AGMO: variants seen among roughly 807,000 people sequenced by gnomAD.
AGMO encodes the protein glyceryl-ether monooxygenase.
A neutral mutation model predicts 60.2 loss-of-function variants in AGMO; 75 were observed. That is an observed-to-expected ratio of 1.25 (90% CI 1.03 to 1.51). AGMO has a LOEUF of 1.51. Among genes scored for constraint, AGMO ranks in the 40% most tolerant of loss-of-function variants. The pLI, the probability that AGMO is intolerant of heterozygous loss-of-function variation, is 0.00. For missense variants in AGMO, 763 were observed against 525.5 expected, an observed-to-expected ratio of 1.45 and a Z score of -4.42; for synonymous variants, 261 against 177.1, an observed-to-expected ratio of 1.47 and a Z score of -3.76.
At chr7:15,561,283 A>G (rs1324740988) in intron 1 of AGMO, among the ~76,000 whole-genome samples, 2 of 152,214 alleles carry the variant, frequency 1.3e-5, no homozygotes, top group East Asian at 3.8e-4. Context: ...GACCTGGTCA[A>G]GCTGCATATC....
At chr7:15,297,053 G>GTC (rs926120957) in intron 12 of AGMO, among the ~76,000 whole-genome samples, 23 of 145,062 alleles carry the variant, frequency 1.6e-4, no homozygotes, top group East Asian at 6.0e-4. Context: ...ATCTCTCTCT[G>GTC]TCTCTCTCTC....
At chr7:15,442,246 C>G (rs529970682) in intron 3 of AGMO, among the ~76,000 whole-genome samples, 141 of 152,270 alleles carry the variant, frequency 9.3e-4, no homozygotes, top group African/African-American at 3.1e-3. Context: ...TTTAGAAACT[C>G]TATTATTACC....
chr7:15,390,064 G>A (rs1470915898), intron 8 of AGMO, among the ~76,000 whole-genome samples: 1 of 152,060 alleles, frequency 6.6e-6, no homozygotes, highest in Admixed American at 6.6e-5. Flanking sequence ...AACCCCAGGA[G>A]TATTTGTGGT....
At chr7:15,524,796 A>G (rs1277272949) in intron 3 of AGMO, among the ~76,000 whole-genome samples, 1 of 151,746 alleles carries the variant, frequency 6.6e-6, no homozygotes, top group Non-Finnish European at 1.5e-5. Context: ...CAGGAGGCCA[A>G]CGTTGCAGTG....
chr7:15,392,095 A>T (rs566693176), intron 6 of AGMO, among the ~76,000 whole-genome samples: 15 of 151,598 alleles, frequency 9.9e-5, no homozygotes, highest in African/African-American at 3.4e-4. Flanking sequence ...TTTGAGATGG[A>T]GTCTCACTCT....
chr7:15,334,014 G>A (rs945492104), intron 12 of AGMO, among the ~76,000 whole-genome samples: 6 of 152,046 alleles, frequency 3.9e-5, no homozygotes, highest in Non-Finnish European at 8.8e-5. Context: ...AATGGAAGAA[G>A]TTTATTTTTC....
At chr7:15,341,622 A>G (rs1386094007) in intron 12 of AGMO, among the ~76,000 whole-genome samples, 3 of 152,146 alleles carry the variant, frequency 2.0e-5, no homozygotes, top group African/African-American at 7.2e-5. Context: ...CCACATTTTC[A>G]GGTACTTTTA....
intron 12 of AGMO, among the ~76,000 whole-genome samples, chr7:15,305,460 T>G (rs79539048): frequency 0.078 from 11,875 of 152,024 alleles, 628 homozygotes; most frequent in South Asian, 0.2. Flanking sequence ...TTCAACATGT[T>G]GCATCAATTT....
chr7:15,321,837 G>A (rs758377216), intron 12 of AGMO, among the ~76,000 whole-genome samples: 8 of 151,848 alleles, frequency 5.3e-5, no homozygotes, highest in Non-Finnish European at 1.2e-4. Flanking sequence ...GTAAATAGTC[G>A]ATTTTTCTAT....
chr7:15,204,688 C>CA (rs1170435792), intron 12 of AGMO, among the ~76,000 whole-genome samples: 1 of 152,174 alleles, frequency 6.6e-6, no homozygotes, highest in Non-Finnish European at 1.5e-5. Flanking sequence ...CCAGGAACCT[C>CA]AACTCTGATG....
chr7:15,256,018 G>A (rs540312481), intron 12 of AGMO, among the ~76,000 whole-genome samples: 2 of 152,310 alleles, frequency 1.3e-5, no homozygotes, highest in South Asian at 2.1e-4. Context: ...ATTCAATGCC[G>A]TGGTATAGTG....
At position 15,310,590 on chromosome 7, in the gene AGMO, A is replaced by G. The variant is rs1463857677; in HGVS notation, c.1263+54924T>C. On this transcript the variant is annotated intron_variant, in intron 12 of 12. Transcript: ENST00000342526. Reference sequence around the variant, plus strand: ...GTGTCTAATTAGAAATTTGGAAATTATATTTTTGTTATTTTCATACTTTTA... The same window carrying G: ...GTGTCTAATTAGAAATTTGGAAATTGTATTTTTGTTATTTTCATACTTTTA... Among the ~76,000 whole-genome samples the G allele has an allele frequency of 2.6e-5, 4 of 152,176 alleles. No individual in the cohort carries two copies. In the East Asian group the frequency reaches 7.7e-4, roughly 29 times the overall value.
Position 15,507,453 on chromosome 7 carries a change from G to A in AGMO, c.409+37319C>T, listed in dbSNP as rs187417894. Among the ~76,000 whole-genome samples the A allele has an allele frequency of 2.7e-4, 41 of 152,164 alleles. No homozygotes were observed. In the East Asian group the frequency reaches 6.8e-3, roughly 25 times the overall value. ...ATTCATAGGAATTACGTAGGACAGA[G>A]GCATATGTTTAGCTATACCACAGGG... On this transcript the variant is annotated intron_variant, in intron 3 of 12. Transcript: ENST00000342526.
At chr7:15,378,595 G>T (rs560263995) in intron 10 of AGMO, among the ~76,000 whole-genome samples, 1 of 151,956 alleles carries the variant, frequency 6.6e-6, no homozygotes, top group African/African-American at 2.4e-5. Context: ...CACAATAATA[G>T]TGGGAGACTT....
intron 3 of AGMO, among the ~76,000 whole-genome samples, chr7:15,449,344 CTCTCTCT>C (rs1781795543): frequency 2.6e-5 from 4 of 151,552 alleles, no homozygotes; most frequent in Non-Finnish European, 5.9e-5. Context: ...CTCTCTCTCT[CTCTCTCT>C]CTCTCTCTCT....
At chr7:15,195,520 G>A (rs1049320191), downstream of AGMO, among the ~76,000 whole-genome samples, 6 of 152,210 alleles carry the variant, frequency 3.9e-5, no homozygotes, top group East Asian at 5.8e-4. Context: ...TATGCAAATG[G>A]GTTTTGTACT....
chr7:15,135,684 T>A, the AGMO span, among the ~76,000 whole-genome samples: 1 of 152,052 alleles, frequency 6.6e-6, no homozygotes, highest in Non-Finnish European at 1.5e-5. Context: ...CTCTTAAATG[T>A]TTCTGTTTTA....
chr7:15,123,018 C>T, the AGMO span, among the ~76,000 whole-genome samples: 6 of 152,074 alleles, frequency 3.9e-5, no homozygotes, highest in Non-Finnish European at 8.8e-5. Context: ...TAATCCCTGT[C>T]ATGCTTTCTT....
At chr7:15,354,404 G>GCA (rs1554422663) in intron 12 of AGMO, among the ~76,000 whole-genome samples, 4 of 34,718 alleles carry the variant, frequency 1.2e-4, no homozygotes, top group African/African-American at 9.6e-4. Flanking sequence ...ACACGTGTGT[G>GCA]TACACACGTG....
Sources: gnomAD v4.1 joint callset for allele counts (sites outside exome capture counted in the v4.1 genomes callset) on GRCh38, gnomAD v4.1.1 for gene constraint, MANE v1.5 for transcripts, NCBI Gene and HGNC (gene_info 2026-07-23, HGNC 2026-07-21) for gene names.